Variants in PRKCA observed in about 807,000 individuals in gnomAD.
The protein encoded by PRKCA is protein kinase C alpha type.
PRKCA carries 27 observed loss-of-function variants against 87.0 expected under a neutral mutation model. That is an observed-to-expected ratio of 0.31 (90% CI 0.23 to 0.43). The LOEUF is 0.43. Ranked by LOEUF, PRKCA falls within the 20% of genes least tolerant of loss-of-function variation. The probability of loss-of-function intolerance (pLI) is 1.00; values close to 1 mark genes in which losing one functional copy is unlikely to be tolerated. For missense variants in PRKCA, 518 were observed against 852.3 expected, an observed-to-expected ratio of 0.61 and a Z score of 4.88; for synonymous variants, 329 against 311.1, an observed-to-expected ratio of 1.06 and a Z score of -0.61.
In PRKCA at chr17:66,431,712, A is replaced by G. The variant is rs535794715; in HGVS notation, c.206-64489A>G. 2.0e-5 allele frequency among the ~76,000 whole-genome samples: 3 copies of G among 152,308 alleles called. No individual in the cohort carries two copies. In the South Asian group the frequency reaches 6.2e-4, roughly 32 times the overall value. ...TACTCTTAAATTCCTTCTGAAACTA[A>G]GAATTTAGCACTAAATGGAATTGAT... On this transcript the variant is annotated intron_variant, in intron 2 of 16. Coordinates refer to ENST00000413366, the MANE Select transcript of PRKCA (RefSeq NM_002737.3).
intron 14 of PRKCA, among the ~76,000 whole-genome samples, chr17:66,783,280 A>G (rs1171665531): frequency 1.3e-5 from 2 of 152,214 alleles, no homozygotes; most frequent in Non-Finnish European, 2.9e-5. Flanking sequence ...TGAGTTAAAC[A>G]GCTTTGTTCA....
intron 2 of PRKCA, among the ~76,000 whole-genome samples, chr17:66,487,970 T>C (rs73334748): frequency 0.055 from 8,353 of 152,260 alleles, 761 homozygotes; most frequent in African/African-American, 0.19. Flanking sequence ...TTGTCTGTTT[T>C]TGCTTTTGTT....
intron 3 of PRKCA, among the ~76,000 whole-genome samples, chr17:66,525,815 A>G (rs2144239169): frequency 6.6e-6 from 1 of 152,208 alleles, no homozygotes; most frequent in East Asian, 1.9e-4. Flanking sequence ...TGTCAGGGCC[A>G]CTCCATACTC....
chr17:66,770,044 A>G (rs1974897663), intron 13 of PRKCA, among the ~76,000 whole-genome samples: 1 of 152,226 alleles, frequency 6.6e-6, no homozygotes, highest in Non-Finnish European at 1.5e-5. Flanking sequence ...GAATGCTTCC[A>G]TTCTTGGGAA....
chr17:66,583,594 C>CAAA (rs58515241), intron 3 of PRKCA, among the ~76,000 whole-genome samples: 22,613 of 133,380 alleles, frequency 0.17, 2,039 homozygotes, highest in African/African-American at 0.28. Flanking sequence ...TTAAATGAAC[C>CAAA]AAAAAAAAAA....
intron 3 of PRKCA, among the ~76,000 whole-genome samples, chr17:66,524,532 G>A (rs1055267600): frequency 1.3e-5 from 2 of 152,188 alleles, no homozygotes; most frequent in Non-Finnish European, 2.9e-5. Context: ...TATCTTAGAT[G>A]TGAGAATCCA....
chr17:66,308,877 C>G (rs1904954121), intron 2 of PRKCA, among the ~76,000 whole-genome samples: 1 of 140,068 alleles, frequency 7.1e-6, no homozygotes, highest in African/African-American at 2.6e-5. Flanking sequence ...TTTTAATGCT[C>G]TCTAATTTTG....
intron 2 of PRKCA, among the ~76,000 whole-genome samples, chr17:66,381,083 G>A (rs1255967932): frequency 6.6e-6 from 1 of 151,928 alleles, no homozygotes; most frequent in Admixed American, 6.6e-5. Flanking sequence ...GGGACTACAG[G>A]TGCAAGCCAC....
rs147347940 is a variant in PRKCA, at chr17:66,683,699, A to C, written c.530-3412A>C. 3.0e-3 allele frequency among the ~76,000 whole-genome samples: 451 copies of C among 152,244 alleles called. 3 individuals are homozygous for C. Among genetic ancestry groups the C allele is most frequent in the African/African-American group, 0.01 (416 of 41,536 alleles). On this transcript the variant is annotated intron_variant, in intron 5 of 16. Coordinates refer to ENST00000413366, the MANE Select transcript of PRKCA (RefSeq NM_002737.3). ...ACTGCAGCCTCCGCCTCCTGGGTTC[A>C]AGCGATTCTCGTGCCTCAGTCTCCT...
intron 5 of PRKCA, chr17:66,676,252 A>G (rs1972326909): frequency 6.6e-6 from 1 of 152,526 alleles, no homozygotes; most frequent in African/African-American, 2.4e-5. Context: ...GCCAGAGGAA[A>G]CTTGAGAGCT....
chr17:66,310,592 G>A (rs1239424525), intron 2 of PRKCA, among the ~76,000 whole-genome samples: 1 of 152,192 alleles, frequency 6.6e-6, no homozygotes, highest in African/African-American at 2.4e-5. Flanking sequence ...CTGTTTCAGA[G>A]AAGGTATTTG....
intron 3 of PRKCA, among the ~76,000 whole-genome samples, chr17:66,519,619 C>G (rs1967090040): frequency 6.6e-6 from 1 of 152,164 alleles, no homozygotes; most frequent in Admixed American, 6.5e-5. Context: ...GATACAGGAT[C>G]TTGAAGCGCC....
chr17:66,502,950 C>T (rs1359598871), intron 3 of PRKCA, among the ~76,000 whole-genome samples: 12 of 152,222 alleles, frequency 7.9e-5, no homozygotes, highest in African/African-American at 1.9e-4. Context: ...TGAGCCACCG[C>T]GCCCAGCGTG....
chr17:66,675,327 A>C (rs934184999), intron 5 of PRKCA, among the ~76,000 whole-genome samples: 2 of 152,128 alleles, frequency 1.3e-5, no homozygotes, highest in African/African-American at 4.8e-5. Context: ...ATCACCTCCC[A>C]AAGGCCCCTC....
chr17:66,486,021 T>C (rs1915975007), intron 2 of PRKCA, among the ~76,000 whole-genome samples: 1 of 152,162 alleles, frequency 6.6e-6, no homozygotes, highest in South Asian at 2.1e-4. Flanking sequence ...GACATGAAGC[T>C]TGTACTGCCA....
chr17:66,669,779 G>A (rs1026753957), intron 5 of PRKCA, among the ~76,000 whole-genome samples: 11 of 152,148 alleles, frequency 7.2e-5, no homozygotes, highest in Non-Finnish European at 1.2e-4. Context: ...ATGGGCGCCT[G>A]TAGTCCCAGC....
At position 66,810,421 on chromosome 17, in the gene PRKCA, G is replaced by T. The variant is rs1976137251; in HGVS notation, c.*6384G>T. ...AGAAGCATTTGAAGTCATTGCTTTT[G>T]CTACATGATTTGTGTGTGTGAAGGA... On this transcript the variant is annotated 3_prime_UTR_variant, in exon 17 of 17. Coordinates refer to ENST00000413366, the MANE Select transcript of PRKCA (RefSeq NM_002737.3). 1 of 152,164 alleles carries T rather than the reference G, an allele frequency of 6.6e-6. No individual in the cohort carries two copies. The highest frequency in any genetic ancestry group is 6.5e-5 in the Admixed American group (1 of 15,272). The allele number at this position is 152,164 out of a possible 1,614,324, so 9.4% of individuals were successfully genotyped here. A position where few individuals can be genotyped will look rare whatever the true frequency, so the allele number is the denominator to read the frequency against.
intron 1 of PRKCA, among the ~76,000 whole-genome samples, chr17:66,303,757 C>G (rs1384958423): frequency 1.3e-5 from 2 of 152,022 alleles, no homozygotes. Flanking sequence ...AATCCCAGCA[C>G]TTTGGGAGGC....
chr17:66,669,381 T>G (rs1263297559), intron 5 of PRKCA, among the ~76,000 whole-genome samples: 1 of 151,736 alleles, frequency 6.6e-6, no homozygotes, highest in African/African-American at 2.4e-5. Context: ...TCTTCTAGAA[T>G]GCAGGCAAAA....
Sources: allele counts gnomAD v4.1 joint callset (sites outside exome capture counted in the v4.1 genomes callset), GRCh38; gene constraint gnomAD v4.1.1; transcripts MANE v1.5; gene names NCBI Gene and HGNC (gene_info 2026-07-23, HGNC 2026-07-21).